CDH26: variants seen among roughly 807,000 people sequenced by gnomAD.
The protein encoded by CDH26 is cadherin-like protein 26.
Under a neutral mutation model 90.3 loss-of-function variants are expected in CDH26, and 83 were observed. The observed-to-expected ratio is 0.92, with a 90% CI of 0.77 to 1.10. CDH26 has a LOEUF of 1.10. Ranked by LOEUF, CDH26 falls within the 50% of genes least tolerant of loss-of-function variation. The pLI, the probability that CDH26 is intolerant of heterozygous loss-of-function variation, is 0.00. For synonymous variants in CDH26, 397 were observed against 396.3 expected (o/e 1.00, Z -0.02); for missense variants, 1,013 against 1,037.6 (o/e 0.98, Z 0.33).
rs1006855476 is a variant in CDH26, at chr20:60,014,507, G to C, written c.*1777G>C. The C allele has an allele frequency of 1.3e-5, 2 of 151,880 alleles. No individual in the cohort carries two copies. The highest frequency in any genetic ancestry group is 2.4e-5 in the African/African-American group (1 of 41,306). 9.4% of individuals were successfully genotyped at this position (151,880 alleles called of 1,614,324 possible). A position where few individuals can be genotyped will look rare whatever the true frequency, so the allele number is the denominator to read the frequency against. ...CCTCTGTTCTACCTTCTACTTCCGA[G>C]ATAAACTTGGTTTTAGCTTCCACAT... On this transcript the variant is annotated 3_prime_UTR_variant, in exon 18 of 18. Transcript: ENST00000348616.
chr20:59,999,633 A>G lies in CDH26; in HGVS notation c.2067A>G (p.Thr689=), dbSNP rs200558275. The G allele has an allele frequency of 3.1e-6, 5 of 1,614,138 alleles. No homozygotes were observed. The East Asian group carries it at 6.7e-5, about 22-fold the overall frequency. The stretch of plus-strand genomic sequence containing the variant: ...AGAGGCCGGCTCTGCTCATCTGCAC[A>G]GCTGCAGCAGGACCCACGCAGGGAG... The part of the protein sequence containing the change: ...EGQRPALLIC[T]AAAGPTQGVK... The change falls in exon 14 of 18, where the codon ACA becomes ACG. Residue 689 remains threonine, a synonymous_variant. Transcript: ENST00000348616.
chr20:59,999,714 T>C, intron 14 of CDH26, 51 bp downstream of exon 14: 2 of 1,567,150 alleles, frequency 1.3e-6, no homozygotes, highest in Non-Finnish European at 1.8e-6. Flanking sequence ...ACTTTCCTGG[T>C]GGTTTCCCTG....
At chr20:59,989,515 A>G (rs1208454660) in intron 9 of CDH26, among the ~76,000 whole-genome samples, 1 of 147,594 alleles carries the variant, frequency 6.8e-6, no homozygotes. Context: ...GGCCTGGGCG[A>G]CAGAGCGAGA....
rs749797813 is a variant in CDH26 at position 59,988,885 on chromosome 20, C to G, written c.1024-19C>G. On this transcript the variant is annotated intron_variant, in intron 8 of 17. Coordinates refer to ENST00000348616, the MANE Select transcript of CDH26 (RefSeq NM_177980.4). ...GAGGAGCAGCAGGTGCTAATGAAAT[C>G]CTCTCTCTGGGGTTCCAGCCTTTGG... The G allele has an allele frequency of 1.2e-6, 2 of 1,609,498 alleles. No homozygotes were observed. The highest frequency in any genetic ancestry group is 2.7e-5 in the African/African-American group (2 of 74,788).
chr20:59,976,519 G>C (rs907543691), intron 4 of CDH26, among the ~76,000 whole-genome samples: 1 of 152,218 alleles, frequency 6.6e-6, no homozygotes, highest in Non-Finnish European at 1.5e-5. Context: ...AAGGAGTACA[G>C]TTGGCACAGT....
intron 8 of CDH26, chr20:60,033,353 A>G: frequency 8.5e-7 from 1 of 1,175,704 alleles, no homozygotes; most frequent in Non-Finnish European, 1.1e-6. Context: ...TCCTTCGTGT[A>G]CACAGGCTGC....
At chr20:60,005,147 C>T (rs1471170654) in intron 16 of CDH26, among the ~76,000 whole-genome samples, 1 of 152,050 alleles carries the variant, frequency 6.6e-6, no homozygotes, top group Non-Finnish European at 1.5e-5. Context: ...TCCTTAATGA[C>T]ATTTTCTTTC....
At position 59,989,029 on chromosome 20, in the gene CDH26, G is replaced by A; in HGVS notation, c.1149G>A (p.Val383=). Reference sequence around the variant, plus strand: ...GGAAGGCAGCAGCCAGCGCCACTGTGAGTGTGCAGGTGACAGACGCCAACG... The same window carrying A: ...GGAAGGCAGCAGCCAGCGCCACTGTAAGTGTGCAGGTGACAGACGCCAACG... ...PPRKAAASAT[V]SVQVTDANDP... The change falls in exon 9 of 18, where the codon GTG becomes GTA. Residue 383 remains valine, a synonymous_variant. Transcript: ENST00000348616. The A allele has an allele frequency of 6.2e-7, 1 of 1,614,228 alleles. No homozygotes were observed. The highest frequency in any genetic ancestry group is 2.2e-5 in the East Asian group (1 of 44,878).
chr20:60,019,629 G>C (rs575945091), intron 7 of CDH26, among the ~76,000 whole-genome samples: 1 of 151,828 alleles, frequency 6.6e-6, no homozygotes, highest in Non-Finnish European at 1.5e-5. Flanking sequence ...TTGTCTATTT[G>C]TATTCTCTTA....
At chr20:60,034,288 A>G (rs975124240), downstream of CDH26, among the ~76,000 whole-genome samples, 1 of 152,236 alleles carries the variant, frequency 6.6e-6, no homozygotes, top group Non-Finnish European at 1.5e-5. Flanking sequence ...TCCCTCTGCC[A>G]CTGCTCACCA....
chr20:59,976,301 T>G (rs966723917), intron 4 of CDH26, among the ~76,000 whole-genome samples: 6 of 152,208 alleles, frequency 3.9e-5, no homozygotes, highest in African/African-American at 1.4e-4. Flanking sequence ...CTGGAAACAC[T>G]TTCCAAGTGC....
At chr20:59,983,933 C>T (rs573765938) in intron 5 of CDH26, among the ~76,000 whole-genome samples, 3 of 152,180 alleles carry the variant, frequency 2.0e-5, no homozygotes, top group South Asian at 4.1e-4. Context: ...AGTATTTGAC[C>T]GATCTCCTAT....
intron 15 of CDH26, among the ~76,000 whole-genome samples, chr20:60,002,233 T>G (rs1220965948): frequency 6.6e-6 from 1 of 152,136 alleles, no homozygotes; most frequent in African/African-American, 2.4e-5. Flanking sequence ...AAACATGATG[T>G]TCTTCTTTGC....
At chr20:60,000,798 C>A (rs2061666309) in intron 14 of CDH26, among the ~76,000 whole-genome samples, 1 of 152,204 alleles carries the variant, frequency 6.6e-6, no homozygotes, top group Non-Finnish European at 1.5e-5. Flanking sequence ...GCCATTCACA[C>A]ACTTTCTCTA....
Position 59,992,849 on chromosome 20 carries a change from A to G in CDH26, c.1426+329A>G, listed in dbSNP as rs2061544784. ...CAATGATGTGTGATAAATATTTAGCACAGCTTCCCTGTGCTTGGGATGGCA... is the reference window on the plus strand; with the variant it reads ...CAATGATGTGTGATAAATATTTAGCGCAGCTTCCCTGTGCTTGGGATGGCA... On this transcript the variant is annotated intron_variant, in intron 10 of 17. Transcript: ENST00000348616. The surrounding 1 kb of genome is among the most constrained non-coding windows in gnomAD (Gnocchi z 5.0). 6.6e-6 allele frequency among the ~76,000 whole-genome samples: 1 copy of G among 152,148 alleles called. No homozygotes were observed.
chr20:59,985,268 A>G (rs1047387641), intron 7 of CDH26, 139 bp downstream of exon 7: 2 of 1,060,494 alleles, frequency 1.9e-6, no homozygotes, highest in East Asian at 2.8e-5. Flanking sequence ...TAATTTATAA[A>G]GAAAAGAGGT....
intron 1 of CDH26, among the ~76,000 whole-genome samples, chr20:59,964,320 C>T (rs1415344471): frequency 6.6e-6 from 1 of 152,206 alleles, no homozygotes; most frequent in East Asian, 1.9e-4. Flanking sequence ...GGTCCAGAGC[C>T]ATCTGTCAAA....
rs764434450 is a variant in CDH26 at position 59,992,438 on chromosome 20, C to T, written c.1344C>T (p.Val448=). Reference sequence around the variant, plus strand: ...GCGTCGACAAAAACTCCGGAGTGGTCATCACCGTGGAGCCAATTGACCGAG... The same window carrying T: ...GCGTCGACAAAAACTCCGGAGTGGTTATCACCGTGGAGCCAATTGACCGAG... ...WVSVDKNSGV[V]ITVEPIDRES... is the part of the protein sequence containing the mutation. Residue 448 remains valine (V), a synonymous_variant, in exon 10 of 18, where the codon GTC becomes GTT. Transcript: ENST00000348616. The surrounding 1 kb of genome is among the most constrained non-coding windows in gnomAD (Gnocchi z 5.0). The T allele has an allele frequency of 6.2e-7, 1 of 1,614,066 alleles. No homozygotes were observed. The highest frequency in any genetic ancestry group is 2.2e-5 in the East Asian group (1 of 44,866).
At chr20:60,015,544 T>C (rs562630377), downstream of CDH26, among the ~76,000 whole-genome samples, 81 of 152,348 alleles carry the variant, frequency 5.3e-4, no homozygotes, top group Middle Eastern at 3.4e-3. Context: ...ATTGGATAAA[T>C]AGTTTGCAGA....
Sources: gnomAD v4.1 joint callset for allele counts (sites outside exome capture counted in the v4.1 genomes callset) on GRCh38, gnomAD v4.1.1 for gene constraint, Gnocchi (gnomAD v3.1) non-coding constraint, MANE v1.5 for transcripts, NCBI Gene and HGNC (gene_info 2026-07-23, HGNC 2026-07-21) for gene names.